The following OAS1 variants were observed in gnomAD, a reference collection of about 807,000 sequenced individuals.
OAS1 encodes the protein 2'-5'-oligoadenylate synthase 1.
In OAS1, 24 loss-of-function variants were observed where a neutral mutation model predicts 38.5. The ratio of observed to expected loss-of-function variants is 0.62; its 90% CI spans 0.45 to 0.88. The LOEUF (loss-of-function observed/expected upper bound fraction) is 0.88. Ranked by LOEUF, OAS1 falls within the 40% of genes least tolerant of loss-of-function variation. The pLI is 0.00. For missense variants in OAS1, 482 were observed against 493.9 expected (o/e 0.98, Z 0.23); for synonymous variants, 169 against 193.9 (o/e 0.87, Z 1.07).
intron 6 of OAS1, among the ~76,000 whole-genome samples, chr12:112,925,264 G>T (rs562635542): frequency 3.3e-5 from 5 of 152,174 alleles, no homozygotes; most frequent in Admixed American, 2.0e-4. Flanking sequence ...TGTCTTTGAG[G>T]CCCTGCGTGA....
intron 6 of OAS1, among the ~76,000 whole-genome samples, chr12:112,929,118 C>A (rs2043581226): frequency 6.6e-6 from 1 of 152,236 alleles, no homozygotes; most frequent in Admixed American, 6.5e-5. Flanking sequence ...TGACCCCATG[C>A]CAGAATTGTC....
At chr12:112,914,888 C>G (rs2043435106) in intron 3 of OAS1, among the ~76,000 whole-genome samples, 1 of 151,924 alleles carries the variant, frequency 6.6e-6, no homozygotes, top group Non-Finnish European at 1.5e-5. Context: ...TATCCCTCCC[C>G]AATTCCCCCC....
downstream of OAS1, among the ~76,000 whole-genome samples, chr12:112,923,523 G>A (rs182543598): frequency 4.5e-4 from 68 of 152,308 alleles, no homozygotes; most frequent in Non-Finnish European, 3.8e-4. Flanking sequence ...TTTGGAGAAA[G>A]ATCTATTCCT....
At chr12:112,924,849 C>T (rs757916897), downstream of OAS1, among the ~76,000 whole-genome samples, 26 of 151,916 alleles carry the variant, frequency 1.7e-4, no homozygotes, top group African/African-American at 3.4e-4. Context: ...TGATAGTTTA[C>T]GCAAAGTTGG....
At chr12:112,931,220 C>T (rs1197264641) in intron 6 of OAS1, among the ~76,000 whole-genome samples, 1 of 152,248 alleles carries the variant, frequency 6.6e-6, no homozygotes, top group Non-Finnish European at 1.5e-5. Flanking sequence ...TTACAACTTT[C>T]CAGGCACATG....
chr12:112,915,946 G>T (rs1466059820), intron 3 of OAS1, among the ~76,000 whole-genome samples: 1 of 152,078 alleles, frequency 6.6e-6, no homozygotes, highest in African/African-American at 2.4e-5. Flanking sequence ...TGTGTGCCTG[G>T]TTACATATGT....
At chr12:112,910,295 G>C (rs920362363) in intron 2 of OAS1, among the ~76,000 whole-genome samples, 1 of 152,034 alleles carries the variant, frequency 6.6e-6, no homozygotes, top group Non-Finnish European at 1.5e-5. Context: ...TTGAACCCAG[G>C]AGATGGAGGT....
chr12:112,911,358 G>A, intron 3 of OAS1, 123 bp downstream of exon 3: 1 of 733,042 alleles, frequency 1.4e-6, no homozygotes, highest in Non-Finnish European at 2.1e-6. Context: ...GAAATAGAGG[G>A]ATGGAAAAAG....
chr12:112,931,789 A>G, intron 6 of OAS1: 1 of 574,790 alleles, frequency 1.7e-6, no homozygotes, highest in African/African-American at 1.9e-5. Context: ...CAGAGTGGAG[A>G]TGCTTCTATA....
At chr12:112,912,017 T>C (rs970654320) in intron 3 of OAS1, among the ~76,000 whole-genome samples, 1 of 152,200 alleles carries the variant, frequency 6.6e-6, no homozygotes, top group African/African-American at 2.4e-5. Flanking sequence ...GTCACATGGC[T>C]CATTCGGCCA....
At chr12:112,926,022 C>G (rs1351111403) in intron 6 of OAS1, among the ~76,000 whole-genome samples, 1 of 152,200 alleles carries the variant, frequency 6.6e-6, no homozygotes, top group Non-Finnish European at 1.5e-5. Flanking sequence ...GCAAGAGACT[C>G]CTCAGGGACA....
Position 112,916,660 on chromosome 12 carries a change from G to A in OAS1, c.806G>A (p.Cys269Tyr), listed in dbSNP as rs138105298. 2.4e-5 allele frequency: 38 copies of A among 1,613,980 alleles called. No individual in the cohort carries two copies. In the African/African-American group the frequency reaches 4.1e-4, roughly 18 times the overall value. ...TTAGTCATAAACTACCAGCAACTCTGCATCTACTGGACAAAGTATTATGAC... is the reference window on the plus strand; with the variant it reads ...TTAGTCATAAACTACCAGCAACTCTACATCTACTGGACAAAGTATTATGAC... ...LELVINYQQLCIYWTKYYDFK... is the reference protein window; with the variant it reads ...LELVINYQQLYIYWTKYYDFK... Residue 269 changes from cysteine to tyrosine, a missense_variant, in exon 4 of 6, where the codon TGC becomes TAC. By Grantham distance (194) the Cys-to-Tyr change is radical (BLOSUM62 -2). Coordinates refer to ENST00000202917, the MANE Select transcript of OAS1 (RefSeq NM_016816.4).
chr12:112,917,684 G>A lies in OAS1; in HGVS notation c.1022G>A (p.Ser341Asn). The stretch of plus-strand genomic sequence containing the variant: ...AAGAATTGGGATGGGTCCCCAGTGA[G>A]CTCCTGGATTCTGCTGGTGAGACCT... The part of the protein sequence containing the change: ...CFKNWDGSPV[S>N]SWILLAESNS... The change falls in exon 5 of 6, where the codon AGC (serine) becomes AAC (asparagine). Residue 341 changes from serine (S) to asparagine (N), a missense_variant. Coordinates refer to ENST00000202917, the MANE Select transcript of OAS1 (RefSeq NM_016816.4). 3 of 1,614,202 alleles carry A rather than the reference G, an allele frequency of 1.9e-6. No homozygotes were observed. The highest frequency in any genetic ancestry group is 2.7e-5 in the African/African-American group (2 of 75,040).
chr12:112,919,744 C>A lies in OAS1; in HGVS notation c.*191C>A. On this transcript the variant is annotated 3_prime_UTR_variant, in exon 6 of 6. Transcript: ENST00000202917. ...CTATCATAGATAACATTCTCCACAG[C>A]CTCACTTCATTCCACCTATTCTCTG... The A allele has an allele frequency of 6.8e-7, 1 of 1,470,856 alleles. No individual in the cohort carries two copies. Among genetic ancestry groups the A allele is most frequent in the Non-Finnish European group, 9.0e-7 (1 of 1,106,702 alleles). The allele number at this position is 1,470,856 out of a possible 1,614,324, so 91.1% of individuals were successfully genotyped here. A position where few individuals can be genotyped will look rare whatever the true frequency, so the allele number is the denominator to read the frequency against.
intron 6 of OAS1, among the ~76,000 whole-genome samples, chr12:112,927,171 G>A (rs951957582): frequency 2.0e-5 from 3 of 152,166 alleles, no homozygotes; most frequent in Admixed American, 1.3e-4. Context: ...GGGTCCTGAG[G>A]CAACATACAT....
downstream of OAS1, among the ~76,000 whole-genome samples, chr12:112,921,635 C>G (rs1025996621): frequency 5.3e-5 from 8 of 152,260 alleles, no homozygotes; most frequent in Admixed American, 1.3e-4. Flanking sequence ...TGAATGACAC[C>G]TTTTCCCATG....
At chr12:112,931,862 C>T (rs1011925712) in intron 6 of OAS1, 1 of 698,548 alleles carries the variant, frequency 1.4e-6, no homozygotes, top group Non-Finnish European at 2.6e-6. Flanking sequence ...ACACACACTC[C>T]TTTCTTCATT....
Position 112,917,510 on chromosome 12 carries a change from G to A in OAS1, c.885-37G>A, listed in dbSNP as rs771838592. ...TCTGGACTCCCTAGACAGAGCCCCA[G>A]CTTCTCACCTGTCCCTCTCTAAATG... On this transcript the variant is annotated intron_variant, in intron 4 of 5. Coordinates refer to ENST00000202917, the MANE Select transcript of OAS1 (RefSeq NM_016816.4). The A allele has an allele frequency of 3.1e-6, 5 of 1,612,244 alleles. No homozygotes were observed. The African/African-American group carries it at 6.7e-5, about 22-fold the overall frequency.
chr12:112,928,287 G>A (rs1230479185), intron 6 of OAS1, among the ~76,000 whole-genome samples: 2 of 152,232 alleles, frequency 1.3e-5, no homozygotes, highest in African/African-American at 4.8e-5. Context: ...TGCCTCCAGG[G>A]ATGGGGTTGT....
Sources: gnomAD v4.1 joint callset for allele counts (sites outside exome capture counted in the v4.1 genomes callset) on GRCh38, gnomAD v4.1.1 for gene constraint, MANE v1.5 for transcripts, NCBI Gene and HGNC (gene_info 2026-07-23, HGNC 2026-07-21) for gene names.